The following PLEKHG1 variants were observed in gnomAD, a reference collection of about 807,000 sequenced individuals.
PLEKHG1 encodes the protein pleckstrin homology domain-containing family G member 1.
A neutral mutation model predicts 100.8 loss-of-function variants in PLEKHG1; 44 were observed. That is an observed-to-expected ratio of 0.44 (90% CI 0.34 to 0.56). The LOEUF (loss-of-function observed/expected upper bound fraction) is 0.56, where lower values mean the gene tolerates loss of function less well. Ranked by LOEUF, PLEKHG1 falls within the 20% of genes least tolerant of loss-of-function variation. The pLI, the probability that PLEKHG1 is intolerant of heterozygous loss-of-function variation, is 0.01. For synonymous variants in PLEKHG1, 640 were observed against 662.5 expected (o/e 0.97, Z 0.52); for missense variants, 1,545 against 1,720.9 (o/e 0.90, Z 1.81).
At chr6:150,782,708 A>C (rs967246959) in intron 3 of PLEKHG1, among the ~76,000 whole-genome samples, 2 of 152,194 alleles carry the variant, frequency 1.3e-5, no homozygotes, top group Non-Finnish European at 2.9e-5. Flanking sequence ...AATTTGCAAA[A>C]AGGGGAAATA....
At chr6:150,753,781 G>A (rs57798861) in intron 2 of PLEKHG1, among the ~76,000 whole-genome samples, 26,679 of 152,178 alleles carry the variant, frequency 0.18, 4,141 homozygotes, top group African/African-American at 0.42. Flanking sequence ...AAGAGGTGGT[G>A]TTGTAAAAAA....
chr6:150,696,820 C>T (rs1780561965), intron 3 of PLEKHG1, among the ~76,000 whole-genome samples: 1 of 152,218 alleles, frequency 6.6e-6, no homozygotes, highest in Non-Finnish European at 1.5e-5. Context: ...AGAAATCAAA[C>T]TATAGGGCCG....
rs118128099 is a variant in PLEKHG1 at position 150,654,766 on chromosome 6, A to T, written c.-99+3980A>T. Among the ~76,000 whole-genome samples the T allele has an allele frequency of 9.8e-3, 1,496 of 152,370 alleles. 21 individuals carry two copies. Among genetic ancestry groups the T allele is most frequent in the South Asian group, 0.063 (305 of 4,828 alleles). ...TGATGGATTTATTGTAAGGCAGCTA[A>T]TAGAAGAATGATTGGTGGCTATAGC... is the stretch of plus-strand genomic sequence containing the variant. On this transcript the variant is annotated intron_variant, in intron 3 of 3. Coordinates refer to the PLEKHG1 transcript ENST00000367326.
chr6:150,841,039 A>G, exon 16 of PLEKHG1: 1 of 737,480 alleles, frequency 1.4e-6, no homozygotes. Context: ...TTACAGCACA[A>G]CTTTTGGAAA....
intron 3 of PLEKHG1, among the ~76,000 whole-genome samples, chr6:150,775,851 C>G (rs907075167): frequency 6.6e-6 from 1 of 152,084 alleles, no homozygotes; most frequent in Non-Finnish European, 1.5e-5. Flanking sequence ...TTTTTACCCA[C>G]GCTTTTTTCA....
rs1777555796 is a variant in PLEKHG1, at chr6:150,842,179, GAT to G, written c.*1288_*1289del. 5.9e-5 allele frequency: 9 copies of G among 152,354 alleles called. No homozygotes were observed. In the South Asian group the frequency reaches 1.9e-3, roughly 32 times the overall value. 9.4% of individuals were successfully genotyped at this position (152,354 alleles called of 1,614,324 possible). On this transcript the variant is annotated 3_prime_UTR_variant, in exon 16 of 16. Transcript: ENST00000358517. Reference sequence around the variant, plus strand: ...GAAGCTAAAGAGAAAAATGAAGGCAGATATATTGCAACTTTATAACATATTCT... The same window carrying G: ...GAAGCTAAAGAGAAAAATGAAGGCAGATATTGCAACTTTATAACATATTCT...
At chr6:150,716,107 C>CAAAA (rs10592056), upstream of PLEKHG1, among the ~76,000 whole-genome samples, 2 of 137,300 alleles carry the variant, frequency 1.5e-5, no homozygotes, top group African/African-American at 5.4e-5. Flanking sequence ...GACTCCGTCT[C>CAAAA]AAAAAAAAAA....
chr6:150,769,584 CAAA>C (rs5880898), intron 3 of PLEKHG1, among the ~76,000 whole-genome samples: 10 of 64,332 alleles, frequency 1.6e-4, no homozygotes, highest in African/African-American at 2.6e-4. Flanking sequence ...GACTCCATCT[CAAA>C]AAAAAAAAAA....
At chr6:150,749,662 CTGAAGTTTCAGGTCCTA>C (rs1783384415) in intron 2 of PLEKHG1, among the ~76,000 whole-genome samples, 1 of 152,058 alleles carries the variant, frequency 6.6e-6, no homozygotes, top group East Asian at 1.9e-4. Flanking sequence ...GGAGCTGGCT[CTGAAGTTTCAGGTCCTA>C]TGTGAAAAGG....
intron 1 of PLEKHG1, among the ~76,000 whole-genome samples, chr6:150,628,906 G>A (rs1234198153): frequency 6.6e-6 from 1 of 152,152 alleles, no homozygotes; most frequent in Non-Finnish European, 1.5e-5. Context: ...GGAATGCAAT[G>A]GAAATAGAGA....
chr6:150,805,075 A>G (rs926945916), intron 7 of PLEKHG1, among the ~76,000 whole-genome samples: 2 of 151,914 alleles, frequency 1.3e-5, no homozygotes, highest in African/African-American at 2.4e-5. Context: ...AGCTGGGATT[A>G]CAGGCATGTG....
chr6:150,620,428 C>A (rs1290134141), intron 1 of PLEKHG1, among the ~76,000 whole-genome samples: 1 of 152,202 alleles, frequency 6.6e-6, no homozygotes, highest in Non-Finnish European at 1.5e-5. Flanking sequence ...ATTGCTGCTG[C>A]AACCTGGCCT....
intron 1 of PLEKHG1, among the ~76,000 whole-genome samples, chr6:150,629,035 A>G: frequency 6.6e-6 from 1 of 152,216 alleles, no homozygotes; most frequent in East Asian, 1.9e-4. Flanking sequence ...GCCACAGTGG[A>G]ATAAACAGCC....
chr6:150,637,742 A>G (rs544306775), intron 1 of PLEKHG1, among the ~76,000 whole-genome samples: 1 of 152,208 alleles, frequency 6.6e-6, no homozygotes, highest in South Asian at 2.1e-4. Context: ...CTTAGTTCTA[A>G]AATTTCACCA....
At chr6:150,817,523 A>G (rs538583022) in intron 10 of PLEKHG1, among the ~76,000 whole-genome samples, 2 of 151,066 alleles carry the variant, frequency 1.3e-5, no homozygotes, top group African/African-American at 2.4e-5. Context: ...CTTTTGAGTC[A>G]GTAGATCAGG....
At chr6:150,740,629 G>A (rs947096240) in intron 2 of PLEKHG1, among the ~76,000 whole-genome samples, 1 of 152,200 alleles carries the variant, frequency 6.6e-6, no homozygotes, top group African/African-American at 2.4e-5. Context: ...GGTAGGGATT[G>A]TTTTAAATGA....
intron 4 of PLEKHG1, among the ~76,000 whole-genome samples, chr6:150,789,179 T>G (rs1785815842): frequency 6.6e-6 from 1 of 152,218 alleles, no homozygotes; most frequent in African/African-American, 2.4e-5. Context: ...CAGCACTGAT[T>G]ATATCATATT....
chr6:150,678,987 A>G (rs1382181603), intron 3 of PLEKHG1, among the ~76,000 whole-genome samples: 1 of 152,242 alleles, frequency 6.6e-6, no homozygotes, highest in Admixed American at 6.5e-5. Flanking sequence ...ATTAACTTTC[A>G]TTGCTGAGAA....
chr6:150,674,020 C>T (rs1333944429), intron 3 of PLEKHG1, among the ~76,000 whole-genome samples: 1 of 152,106 alleles, frequency 6.6e-6, no homozygotes, highest in Non-Finnish European at 1.5e-5. Flanking sequence ...CCTCCCTCTC[C>T]ACCACACACC....
Sources: gnomAD v4.1 joint callset for allele counts (sites outside exome capture counted in the v4.1 genomes callset) on GRCh38, gnomAD v4.1.1 for gene constraint, MANE v1.5 for transcripts, NCBI Gene and HGNC (gene_info 2026-07-23, HGNC 2026-07-21) for gene names.